FAAH2: variants seen among roughly 807,000 people sequenced by gnomAD.
FAAH2 encodes the protein fatty-acid amide hydrolase 2.
A neutral mutation model predicts 36.9 loss-of-function variants in FAAH2; 60 were observed. That is an observed-to-expected ratio of 1.63 (90% CI 1.32 to 2.02). The LOEUF (loss-of-function observed/expected upper bound fraction) is 2.02. Ranked by LOEUF, FAAH2 falls within the 30% of genes most tolerant of loss-of-function variation. The pLI, the probability that FAAH2 is intolerant of heterozygous loss-of-function variation, is 0.00. For synonymous variants in FAAH2, 214 were observed against 143.8 expected (o/e 1.49, Z -3.49); for missense variants, 689 against 397.5 (o/e 1.73, Z -6.23).
At chrX:57,432,375 G>A (rs2056323084) in intron 8 of FAAH2, among the ~76,000 whole-genome samples, 1 of 111,253 alleles carries the variant, frequency 9.0e-6, no homozygotes, top group African/African-American at 3.3e-5. Flanking sequence ...GCAAGAACAA[G>A]GACACAGGGG....
At chrX:57,283,333 G>A (rs1304625232), upstream of FAAH2, among the ~76,000 whole-genome samples, 1 of 111,854 alleles carries the variant, frequency 8.9e-6, no homozygotes, top group African/African-American at 3.3e-5. Flanking sequence ...TCAGCCAGGG[G>A]GTGAGGCAAC....
chrX:57,489,152 G>A lies in FAAH2; in HGVS notation c.*220G>A. 1 of 384,118 alleles carries A rather than the reference G, an allele frequency of 2.6e-6. No individual in the cohort carries two copies. Among genetic ancestry groups the A allele is most frequent in the Non-Finnish European group, 4.3e-6 (1 of 230,999 alleles). 31.7% of individuals were successfully genotyped at this position (384,118 alleles called of 1,213,427 possible). On this transcript the variant is annotated 3_prime_UTR_variant, in exon 11 of 11. Transcript: ENST00000374900. ...TGCTTTTATGTTACTGGAAAATTAG[G>A]ACATGTAAATGGATAAGTGCAATAA...
the FAAH2 span, among the ~76,000 whole-genome samples, chrX:57,145,512 G>A: frequency 8.9e-6 from 1 of 112,038 alleles, no homozygotes; most frequent in Admixed American, 9.5e-5. Flanking sequence ...TGCATTGTCT[G>A]TTTACTCTGA....
chrX:57,367,658 G>A (rs764861623), intron 5 of FAAH2, among the ~76,000 whole-genome samples: 2 of 111,861 alleles, frequency 1.8e-5, no homozygotes, highest in African/African-American at 3.2e-5. Context: ...CATAGACAAG[G>A]AAGCAAAGTA....
chrX:57,287,235 TCATAGTCCTTC>T (rs2051835606), intron 1 of FAAH2, among the ~76,000 whole-genome samples: 1 of 111,465 alleles, frequency 9.0e-6, no homozygotes, highest in Non-Finnish European at 1.9e-5. Context: ...TTTGGTACCG[TCATAGTCCTTC>T]CTATCCATTT....
chrX:57,384,231 A>C, intron 7 of FAAH2, among the ~76,000 whole-genome samples: 1 of 107,304 alleles, frequency 9.3e-6, no homozygotes, highest in African/African-American at 3.3e-5. Flanking sequence ...CTAGAAGAAA[A>C]CCTAGGCAAT....
chrX:57,389,290 A>G (rs150354601), intron 7 of FAAH2, among the ~76,000 whole-genome samples: 587 of 26,917 alleles, frequency 0.022, 14 homozygotes, highest in Admixed American at 0.13. Context: ...ACACACACAC[A>G]CACATATATA....
At chrX:57,159,711 T>C in the FAAH2 span, among the ~76,000 whole-genome samples, 1 of 112,142 alleles carries the variant, frequency 8.9e-6, no homozygotes, top group Non-Finnish European at 1.9e-5. Context: ...TTTGCTGAAG[T>C]TGCTTATCAG....
At chrX:57,384,730 C>T (rs923675940) in intron 7 of FAAH2, among the ~76,000 whole-genome samples, 20 of 111,596 alleles carry the variant, frequency 1.8e-4, no homozygotes, top group Non-Finnish European at 2.8e-4. Context: ...GTTGGTGAGA[C>T]TGTAAACTAG....
the FAAH2 span, among the ~76,000 whole-genome samples, chrX:57,211,613 G>A: frequency 5.0e-4 from 56 of 111,646 alleles, no homozygotes; most frequent in African/African-American, 1.8e-3. Context: ...CTACTGGCTG[G>A]GAGGTCAACC....
the FAAH2 span, among the ~76,000 whole-genome samples, chrX:57,168,848 C>T: frequency 8.0e-5 from 9 of 112,245 alleles, no homozygotes; most frequent in East Asian, 1.7e-3. Context: ...TGTAATCTTT[C>T]TACTTGATAA....
At chrX:57,465,719 A>T (rs182667652) in intron 10 of FAAH2, among the ~76,000 whole-genome samples, 1 of 111,575 alleles carries the variant, frequency 9.0e-6, no homozygotes, top group African/African-American at 3.2e-5. Flanking sequence ...GTGACACCAG[A>T]CAATAATTCA....
At chrX:57,390,461 G>A (rs2055139154) in intron 7 of FAAH2, among the ~76,000 whole-genome samples, 2 of 111,242 alleles carry the variant, frequency 1.8e-5, no homozygotes, top group Non-Finnish European at 3.8e-5. Flanking sequence ...TATCCCACAG[G>A]TAATTTTTCA....
chrX:57,480,020 G>A (rs903889103), intron 10 of FAAH2, among the ~76,000 whole-genome samples: 5 of 111,623 alleles, frequency 4.5e-5, no homozygotes, highest in Non-Finnish European at 7.5e-5. Flanking sequence ...AGAAGAAATG[G>A]ATAAATTCCT....
intron 7 of FAAH2, among the ~76,000 whole-genome samples, chrX:57,408,535 CTATTTATTTATT>C (rs200375559): frequency 2.0e-5 from 2 of 101,920 alleles, no homozygotes; most frequent in African/African-American, 6.9e-5. Context: ...AATTTGCATG[CTATTTATTTATT>C]TATTTATTTA....
chrX:57,432,623 C>A (rs1412804813), intron 8 of FAAH2, among the ~76,000 whole-genome samples: 1 of 111,234 alleles, frequency 9.0e-6, no homozygotes, highest in Non-Finnish European at 1.9e-5. Flanking sequence ...TTCCCTTATG[C>A]CAGGTTTTTT....
At chrX:57,479,467 T>A (rs2057336911) in intron 10 of FAAH2, among the ~76,000 whole-genome samples, 1 of 111,622 alleles carries the variant, frequency 9.0e-6, no homozygotes, top group South Asian at 3.8e-4. Context: ...GTTTCCTAAT[T>A]GAATGCCCTT....
At chrX:57,386,508 G>C (rs2055027290) in intron 7 of FAAH2, among the ~76,000 whole-genome samples, 1 of 111,482 alleles carries the variant, frequency 9.0e-6, no homozygotes, top group Non-Finnish European at 1.9e-5. Flanking sequence ...AAAAAAGTAA[G>C]TGAATGGAAG....
the FAAH2 span, among the ~76,000 whole-genome samples, chrX:57,160,434 C>T: frequency 4.1e-4 from 46 of 111,848 alleles, no homozygotes; most frequent in East Asian, 0.01. Flanking sequence ...CCTCCTTGAA[C>T]CTCTGGTAGA....
Sources: gnomAD v4.1 joint callset for allele counts (sites outside exome capture counted in the v4.1 genomes callset) on GRCh38, gnomAD v4.1.1 for gene constraint, MANE v1.5 for transcripts, NCBI Gene and HGNC (gene_info 2026-07-23, HGNC 2026-07-21) for gene names.